Variants in ATXN1 observed in about 807,000 individuals in gnomAD.
The protein encoded by ATXN1 is ataxin 1.
A neutral mutation model predicts 56.4 loss-of-function variants in ATXN1; 8 were observed. The observed-to-expected ratio is 0.14, with a 90% confidence interval of 0.08 to 0.26. The LOEUF (loss-of-function observed/expected upper bound fraction) is 0.26, where lower values mean the gene tolerates loss of function less well. Ranked by LOEUF, ATXN1 falls within the 10% of genes least tolerant of loss-of-function variation. The pLI is 1.00. For synonymous variants in ATXN1, 514 were observed against 494.6 expected, an observed-to-expected ratio of 1.04 and a Z score of -0.52; for missense variants, 987 against 1,106.5, an observed-to-expected ratio of 0.89 and a Z score of 1.53.
Position 16,584,682 on chromosome 6 carries a change from A to T in ATXN1, c.-361+1098T>A, listed in dbSNP as rs1476787959. Reference sequence around the variant, plus strand: ...AATACATGGAAACACCATTTTGCATAATCAGTCAGCAAAAAACTCTTTTTG... The same window carrying T: ...AATACATGGAAACACCATTTTGCATTATCAGTCAGCAAAAAACTCTTTTTG... On this transcript the variant is annotated intron_variant, in intron 4 of 7. Transcript: ENST00000436367. Among the ~76,000 whole-genome samples, 7 of 150,146 alleles carry T rather than the reference A, an allele frequency of 4.7e-5. No individual in the cohort carries two copies. In the East Asian group the frequency reaches 1.4e-3, roughly 29 times the overall value.
chr6:16,381,137 A>T (rs1398950134), intron 6 of ATXN1, among the ~76,000 whole-genome samples: 1 of 152,214 alleles, frequency 6.6e-6, no homozygotes, highest in Non-Finnish European at 1.5e-5. Context: ...TATTACAAAA[A>T]TTAGCCTGGC....
chr6:16,499,366 G>T (rs1265191358), intron 5 of ATXN1, among the ~76,000 whole-genome samples: 1 of 151,986 alleles, frequency 6.6e-6, no homozygotes, highest in Non-Finnish European at 1.5e-5. Flanking sequence ...CTGGCTTTTG[G>T]TTACACTATG....
Position 16,392,177 on chromosome 6 carries a change from C to A in ATXN1, c.-160-63707G>T, listed in dbSNP as rs549392824. Among the ~76,000 whole-genome samples, 4 of 152,342 alleles carry A rather than the reference C, an allele frequency of 2.6e-5. No homozygotes were observed. In the South Asian group the frequency reaches 8.3e-4, roughly 32 times the overall value. ...CAGTGATCACTCGTAACCTTGCTGC[C>A]TTCTTTACAGATGGCTGCTGTCAGG... On this transcript the variant is annotated intron_variant, in intron 6 of 7. Transcript: ENST00000436367.
chr6:16,466,317 CAAAAAAAAA>C (rs200261208), intron 6 of ATXN1, among the ~76,000 whole-genome samples: 2 of 79,874 alleles, frequency 2.5e-5, no homozygotes, highest in African/African-American at 9.9e-5. Flanking sequence ...GACCCCATCT[CAAAAAAAAA>C]AAAAAAAAAA....
intron 3 of ATXN1, among the ~76,000 whole-genome samples, chr6:16,656,534 G>A (rs765398474): frequency 2.6e-5 from 4 of 152,160 alleles, no homozygotes; most frequent in South Asian, 2.1e-4. Flanking sequence ...TTATGTTGGT[G>A]TATGCTCTGG....
chr6:16,748,733 A>G (rs543990569), intron 2 of ATXN1, among the ~76,000 whole-genome samples: 248 of 152,266 alleles, frequency 1.6e-3, no homozygotes, highest in African/African-American at 5.7e-3. Context: ...TGTTTGCTCC[A>G]TCCCTCTTGT....
At chr6:16,449,201 G>C (rs60080010) in intron 6 of ATXN1, among the ~76,000 whole-genome samples, 2,724 of 152,140 alleles carry the variant, frequency 0.018, 86 homozygotes, top group African/African-American at 0.061. Flanking sequence ...TTTCACAAGT[G>C]AGCACCCTAG....
intron 5 of ATXN1, among the ~76,000 whole-genome samples, chr6:16,519,666 C>G (rs1761248807): frequency 6.6e-6 from 1 of 152,142 alleles, no homozygotes; most frequent in African/African-American, 2.4e-5. Flanking sequence ...CCCTCCCCAC[C>G]AGGTCATTCT....
rs181553277 is a variant in ATXN1, at chr6:16,591,228, A to T, written c.-488-5321T>A. Among the ~76,000 whole-genome samples the T allele has an allele frequency of 7.9e-5, 12 of 152,260 alleles. No homozygotes were observed. In the East Asian group the frequency reaches 2.3e-3, roughly 29 times the overall value. ...CACCTAGGCCTCCCAAAGAACTGGGACTACAGGTGTGAGCCACAGTGCCCA... is the reference window on the plus strand; with the variant it reads ...CACCTAGGCCTCCCAAAGAACTGGGTCTACAGGTGTGAGCCACAGTGCCCA... On this transcript the variant is annotated intron_variant, in intron 3 of 7. Coordinates refer to ENST00000436367, the MANE Select transcript of ATXN1 (RefSeq NM_001128164.2).
At chr6:16,450,359 C>A (rs1456280872) in intron 6 of ATXN1, among the ~76,000 whole-genome samples, 4 of 152,206 alleles carry the variant, frequency 2.6e-5, no homozygotes, top group Admixed American at 6.5e-5. Context: ...ATCACTGATG[C>A]AACATGTGTT....
chr6:16,522,492 G>GA (rs761112177), intron 5 of ATXN1, 135 bp downstream of exon 5: 2 of 151,936 alleles, frequency 1.3e-5, no homozygotes, highest in African/African-American at 2.4e-5. Context: ...CAAAGAATAG[G>GA]AAAAATACCT....
intron 6 of ATXN1, among the ~76,000 whole-genome samples, chr6:16,459,817 A>T (rs1387671376): frequency 6.6e-6 from 1 of 152,108 alleles, no homozygotes; most frequent in African/African-American, 2.4e-5. Flanking sequence ...TATGTGGATG[A>T]TTTACTTTTG....
chr6:16,722,713 C>T (rs977941688), intron 2 of ATXN1, among the ~76,000 whole-genome samples: 2 of 152,186 alleles, frequency 1.3e-5, no homozygotes, highest in African/African-American at 2.4e-5. Context: ...ACCTGAGTCT[C>T]TATTGGCTTT....
chr6:16,661,084 G>A (rs1016890354), intron 2 of ATXN1, among the ~76,000 whole-genome samples: 15 of 151,688 alleles, frequency 9.9e-5, no homozygotes, highest in African/African-American at 3.6e-4. Context: ...TGATTCACCC[G>A]CTTTGACCTC....
At chr6:16,389,593 C>T (rs561432263) in intron 6 of ATXN1, among the ~76,000 whole-genome samples, 8 of 152,266 alleles carry the variant, frequency 5.3e-5, no homozygotes, top group African/African-American at 1.2e-4. Context: ...CTGAACTTAT[C>T]GACAATCCTT....
At chr6:16,560,600 G>A (rs1370011779) in intron 4 of ATXN1, among the ~76,000 whole-genome samples, 1 of 152,152 alleles carries the variant, frequency 6.6e-6, no homozygotes, top group Admixed American at 6.5e-5. Flanking sequence ...GAGGAGGTTA[G>A]AAGAGTGTTC....
chr6:16,552,031 G>A (rs1017416218), intron 4 of ATXN1, among the ~76,000 whole-genome samples: 4 of 152,208 alleles, frequency 2.6e-5, no homozygotes, highest in East Asian at 3.9e-4. Flanking sequence ...GATGGTGGAC[G>A]TGTGCATAGG....
Position 16,301,451 on chromosome 6 carries a change from C to A in ATXN1, c.*4878G>T, listed in dbSNP as rs1760096654. On this transcript the variant is annotated 3_prime_UTR_variant, in exon 8 of 8. Coordinates refer to ENST00000436367, the MANE Select transcript of ATXN1 (RefSeq NM_001128164.2). ...CACTGTCCGTGGAAAAGAGAGGAAA[C>A]CAACCCAACACAATAGCAGATGCAT... The A allele has an allele frequency of 1.3e-5, 2 of 152,546 alleles. No homozygotes were observed. Among genetic ancestry groups the A allele is most frequent in the Admixed American group, 6.5e-5 (1 of 15,276 alleles). 9.4% of individuals were successfully genotyped at this position (152,546 alleles called of 1,614,324 possible).
At chr6:16,417,840 C>G (rs1758946296) in intron 6 of ATXN1, among the ~76,000 whole-genome samples, 1 of 152,042 alleles carries the variant, frequency 6.6e-6, no homozygotes. Flanking sequence ...AAATCCATGA[C>G]CAGGTACCAA....
Sources: gnomAD v4.1 joint callset for allele counts (sites outside exome capture counted in the v4.1 genomes callset) on GRCh38, gnomAD v4.1.1 for gene constraint, MANE v1.5 for transcripts, NCBI Gene and HGNC (gene_info 2026-07-23, HGNC 2026-07-21) for gene names.